The following LRRC1 variants were observed in gnomAD, a reference collection of about 807,000 sequenced individuals.
The protein encoded by LRRC1 is leucine rich repeat containing 1.
A neutral mutation model predicts 69.9 loss-of-function variants in LRRC1; 28 were observed. That is an observed-to-expected ratio of 0.40 (90% CI 0.30 to 0.55). The LOEUF is 0.55. Ranked by LOEUF, LRRC1 falls within the 20% of genes least tolerant of loss-of-function variation. The pLI is 0.47. For synonymous variants in LRRC1, 236 were observed against 240.2 expected, an observed-to-expected ratio of 0.98 and a Z score of 0.16; for missense variants, 498 against 609.0, an observed-to-expected ratio of 0.82 and a Z score of 1.92.
rs1764248845 is a variant in LRRC1, at chr6:53,795,150, A to C, written c.-107A>C. 6 of 1,021,136 alleles carry C rather than the reference A, an allele frequency of 5.9e-6. No individual in the cohort carries two copies. Among genetic ancestry groups the C allele is most frequent in the Non-Finnish European group, 6.9e-6 (5 of 725,460 alleles). 63.3% of individuals were successfully genotyped at this position (1,021,136 alleles called of 1,614,324 possible). A position where few individuals can be genotyped will look rare whatever the true frequency, so the allele number is the denominator to read the frequency against. On this transcript the variant is annotated 5_prime_UTR_variant, in exon 1 of 14. Transcript: ENST00000370888. ...GAAGCGAGCTAACCCAAGAGCCAAC[A>C]ACGAGCGCGGAGAGGGCAGCGGACT...
chr6:53,802,009 C>T (rs754622470), intron 1 of LRRC1, among the ~76,000 whole-genome samples: 14 of 152,146 alleles, frequency 9.2e-5, no homozygotes, highest in Non-Finnish European at 1.9e-4. Context: ...AGCTTAAAAG[C>T]CTTGTTCACG....
intron 11 of LRRC1, among the ~76,000 whole-genome samples, chr6:53,915,021 A>T (rs1392717645): frequency 6.6e-6 from 1 of 152,248 alleles, no homozygotes; most frequent in Non-Finnish European, 1.5e-5. Context: ...TTACAGGATG[A>T]ATAGCAGCCC....
At position 53,840,927 on chromosome 6, in the gene LRRC1, T is replaced by TGTGTGTGTGTGC. The variant is rs578018808; in HGVS notation, c.160-1182_160-1181insTGTGTGTGTGCG. On this transcript the variant is annotated intron_variant, in intron 1 of 13. Coordinates refer to ENST00000370888, the MANE Select transcript of LRRC1 (RefSeq NM_018214.5). Reference sequence around the variant, plus strand: ...GTGTGTGTGTGTGTGTGTGTGTGTGTGCGTGCGCGCACATTCTCTTTCTTG... The same window carrying TGTGTGTGTGTGC: ...GTGTGTGTGTGTGTGTGTGTGTGTGTGTGTGTGTGTGCGCGTGCGCGCACATTCTCTTTCTTG... Among the ~76,000 whole-genome samples the TGTGTGTGTGTGC allele has an allele frequency of 9.5e-4, 126 of 132,594 alleles. 1 individual carries two copies. The highest frequency in any genetic ancestry group is 1.7e-3 in the Admixed American group (20 of 11,672). 87.0% of individuals were successfully genotyped at this position (132,594 alleles called of 152,430 possible).
chr6:53,900,844 G>A (rs1768035337), intron 8 of LRRC1, among the ~76,000 whole-genome samples: 1 of 152,198 alleles, frequency 6.6e-6, no homozygotes, highest in Non-Finnish European at 1.5e-5. Context: ...GAAAGAGACT[G>A]TATTTAACCA....
chr6:53,882,005 TA>T (rs1767307070), intron 3 of LRRC1, among the ~76,000 whole-genome samples: 2 of 152,262 alleles, frequency 1.3e-5, no homozygotes, highest in East Asian at 3.9e-4. Context: ...TAGTAAAACA[TA>T]AAATTATTTC....
At chr6:53,884,115 A>T (rs1292397567) in intron 4 of LRRC1, 1 of 654,618 alleles carries the variant, frequency 1.5e-6, no homozygotes, top group African/African-American at 1.8e-5. Context: ...CTCTAGGTGT[A>T]TGGTATCAGT....
intron 2 of LRRC1, among the ~76,000 whole-genome samples, chr6:53,861,448 G>T (rs112751557): frequency 1.3e-5 from 2 of 150,424 alleles, no homozygotes; most frequent in African/African-American, 4.9e-5. Flanking sequence ...AGAGTGCTGG[G>T]TTAAAGTGTA....
intron 1 of LRRC1, among the ~76,000 whole-genome samples, chr6:53,839,769 T>C (rs1044893572): frequency 1.3e-5 from 2 of 152,180 alleles, no homozygotes; most frequent in African/African-American, 4.8e-5. Flanking sequence ...TCAAATTTTA[T>C]ATTATGATTA....
Position 53,861,178 on chromosome 6 carries a change from T to TA in LRRC1, c.278-17806dup, listed in dbSNP as rs938038488. Among the ~76,000 whole-genome samples the TA allele has an allele frequency of 4.7e-5, 7 of 150,400 alleles. No individual in the cohort carries two copies. The South Asian group carries it at 6.3e-4, about 14-fold the overall frequency. On this transcript the variant is annotated intron_variant, in intron 2 of 13. Coordinates refer to ENST00000370888, the MANE Select transcript of LRRC1 (RefSeq NM_018214.5). The stretch of plus-strand genomic sequence containing the variant: ...TACCTTTTGAACCTAAAATAGAAGT[T>TA]AAAAAAAAATAAAATAAAATGGCCA...
chr6:53,892,961 C>A (rs1172177701), intron 4 of LRRC1, among the ~76,000 whole-genome samples: 2 of 152,200 alleles, frequency 1.3e-5, no homozygotes, highest in African/African-American at 2.4e-5. Flanking sequence ...TGTTTGCTTT[C>A]TATTTCTTCC....
At chr6:53,870,317 A>G (rs1318090005) in intron 2 of LRRC1, among the ~76,000 whole-genome samples, 2 of 152,172 alleles carry the variant, frequency 1.3e-5, no homozygotes, top group Non-Finnish European at 2.9e-5. Flanking sequence ...CCTTCTACCT[A>G]ACAGACATAC....
chr6:53,832,576 A>T (rs1047986517), intron 1 of LRRC1, among the ~76,000 whole-genome samples: 2 of 152,210 alleles, frequency 1.3e-5, no homozygotes, highest in African/African-American at 4.8e-5. Flanking sequence ...ACTTTATTGG[A>T]TATCTGTTTG....
At chr6:53,809,127 T>G (rs1442499065) in intron 1 of LRRC1, among the ~76,000 whole-genome samples, 1 of 152,204 alleles carries the variant, frequency 6.6e-6, no homozygotes, top group Non-Finnish European at 1.5e-5. Context: ...CAACTATAAG[T>G]CTGCTCATAA....
intron 1 of LRRC1, among the ~76,000 whole-genome samples, chr6:53,810,324 T>TA (rs1295443443): frequency 2.6e-5 from 4 of 152,290 alleles, no homozygotes; most frequent in Non-Finnish European, 5.9e-5. Flanking sequence ...AAAGTATTCT[T>TA]AAAAAAGCTT....
At chr6:53,866,524 A>T (rs1191062979) in intron 2 of LRRC1, among the ~76,000 whole-genome samples, 1 of 152,182 alleles carries the variant, frequency 6.6e-6, no homozygotes, top group Non-Finnish European at 1.5e-5. Flanking sequence ...TGGGAAAGTT[A>T]TTGAATAGAT....
intron 1 of LRRC1, 90 bp from the exon 2 acceptor site, chr6:53,842,020 T>C (rs1302081898): frequency 2.6e-6 from 2 of 770,102 alleles, no homozygotes; most frequent in Middle Eastern, 2.6e-4. Flanking sequence ...TCATTAGTTT[T>C]TAAAAGACAT....
Position 53,840,936 on chromosome 6 carries a change from G to A in LRRC1, c.160-1174G>A, listed in dbSNP as rs1452179898. 2.7e-5 allele frequency among the ~76,000 whole-genome samples: 4 copies of A among 146,232 alleles called. No individual in the cohort carries two copies. The South Asian group carries it at 6.9e-4, about 25-fold the overall frequency. On this transcript the variant is annotated intron_variant, in intron 1 of 13. Coordinates refer to ENST00000370888, the MANE Select transcript of LRRC1 (RefSeq NM_018214.5). ...TGTGTGTGTGTGTGTGTGCGTGCGC[G>A]CACATTCTCTTTCTTGCATGTGGCA...
intron 13 of LRRC1, among the ~76,000 whole-genome samples, chr6:53,921,941 C>A (rs941595750): frequency 6.6e-6 from 1 of 152,138 alleles, no homozygotes; most frequent in Non-Finnish European, 1.5e-5. Flanking sequence ...ATTTTGTTAA[C>A]CTAGTTTGGT....
At chr6:53,906,528 C>G (rs928495458) in intron 10 of LRRC1, among the ~76,000 whole-genome samples, 2 of 152,176 alleles carry the variant, frequency 1.3e-5, no homozygotes, top group Non-Finnish European at 2.9e-5. Flanking sequence ...ATGTTCTAGA[C>G]AAGAACCTTG....
Sources: gnomAD v4.1 joint callset for allele counts (sites outside exome capture counted in the v4.1 genomes callset) on GRCh38, gnomAD v4.1.1 for gene constraint, MANE v1.5 for transcripts, NCBI Gene and HGNC (gene_info 2026-07-23, HGNC 2026-07-21) for gene names.